Variants in HEATR3 observed in about 807,000 individuals in gnomAD.
The protein encoded by HEATR3 is HEAT repeat-containing protein 3.
HEATR3 carries 56 observed loss-of-function variants against 72.8 expected under a neutral mutation model. The ratio of observed to expected loss-of-function variants is 0.77; its 90% CI spans 0.62 to 0.96. HEATR3 has a LOEUF of 0.96. Among genes scored for constraint, HEATR3 ranks in the 40% least tolerant of loss-of-function variants. HEATR3 has a pLI of 0.00. For synonymous variants in HEATR3, 331 were observed against 318.1 expected (o/e 1.04, Z -0.43); for missense variants, 747 against 831.4 (o/e 0.90, Z 1.25).
chr16:50,107,270 G>A lies in HEATR3; in HGVS notation c.*2209G>A, dbSNP rs563695975. Among the ~76,000 whole-genome samples the A allele has an allele frequency of 3.3e-5, 5 of 152,078 alleles. No homozygotes were observed. The highest frequency in any genetic ancestry group is 9.7e-5 in the African/African-American group (4 of 41,416). Reference sequence around the variant, plus strand: ...GTAAATAAATGCTGGTGATTTTCTCGTTGTTTTGTGTGTGATTTTCTGTTT... The same window carrying A: ...GTAAATAAATGCTGGTGATTTTCTCATTGTTTTGTGTGTGATTTTCTGTTT... On this transcript the variant is annotated 3_prime_UTR_variant, in exon 15 of 15. Transcript: ENST00000299192.
At chr16:50,087,539 CAA>C (rs371252333) in intron 11 of HEATR3, among the ~76,000 whole-genome samples, 225 of 152,166 alleles carry the variant, frequency 1.5e-3, no homozygotes, top group African/African-American at 4.0e-3. Context: ...CAAACAAAAA[CAA>C]GAGAGACTGA....
At position 50,066,057 on chromosome 16, in the gene HEATR3, T is replaced by A; in HGVS notation, c.-75T>A. 2 of 1,491,142 alleles carry A rather than the reference T, an allele frequency of 1.3e-6. No homozygotes were observed. Among genetic ancestry groups the A allele is most frequent in the African/African-American group, 2.9e-5 (2 of 69,622 alleles). 92.4% of individuals were successfully genotyped at this position (1,491,142 alleles called of 1,614,324 possible). On this transcript the variant is annotated 5_prime_UTR_variant, in exon 1 of 15. Coordinates refer to ENST00000299192, the MANE Select transcript of HEATR3 (RefSeq NM_182922.4). ...AGCTGAGCAGCAGCAACGGACCTTGTTAACGGCGCGGCAGCCTCCACCGCC... is the reference window on the plus strand; with the variant it reads ...AGCTGAGCAGCAGCAACGGACCTTGATAACGGCGCGGCAGCCTCCACCGCC...
chr16:50,104,451 AACT>A (rs1225606568), intron 14 of HEATR3, among the ~76,000 whole-genome samples: 1 of 152,004 alleles, frequency 6.6e-6, no homozygotes, highest in Non-Finnish European at 1.5e-5. Context: ...GCTAGTCTTG[AACT>A]CCTGGACTCA....
chr16:50,104,754 G>T (rs758443097), intron 14 of HEATR3, among the ~76,000 whole-genome samples, 185 bp from the exon 15 acceptor site: 7 of 152,030 alleles, frequency 4.6e-5, no homozygotes, highest in Non-Finnish European at 1.0e-4. Flanking sequence ...TTTTAATAAT[G>T]CACATTCTCA....
intron 11 of HEATR3, among the ~76,000 whole-genome samples, chr16:50,087,481 A>G (rs2037013642): frequency 6.6e-6 from 1 of 152,260 alleles, no homozygotes; most frequent in Admixed American, 6.5e-5. Context: ...AGTTCCTCAT[A>G]GTAAAATCTT....
At chr16:50,092,436 C>CTTTTTTCTTTTTTTTTTTTTTTTT (rs55971965) in intron 11 of HEATR3, among the ~76,000 whole-genome samples, 1 of 106,030 alleles carries the variant, frequency 9.4e-6, no homozygotes. Context: ...TTTCTTTTTT[C>CTTTTTTCTTTTTTTTTTTTTTTTT]TTTTTTTTTT....
At chr16:50,072,348 C>A (rs182899963) in intron 4 of HEATR3, among the ~76,000 whole-genome samples, 29 of 151,386 alleles carry the variant, frequency 1.9e-4, no homozygotes, top group Admixed American at 1.6e-3. Flanking sequence ...CAGCTCTAAC[C>A]TTCTATAAGG....
chr16:50,089,392 G>C lies in HEATR3; in HGVS notation c.1510+3041G>C, dbSNP rs1285410203. On this transcript the variant is annotated intron_variant, in intron 11 of 14. Coordinates refer to ENST00000299192, the MANE Select transcript of HEATR3 (RefSeq NM_182922.4). ...ATGTGCTCAGTTACTTCCAGGGATTGGTAGTCTGAATTGGCCTTGCCTATG... is the reference window on the plus strand; with the variant it reads ...ATGTGCTCAGTTACTTCCAGGGATTCGTAGTCTGAATTGGCCTTGCCTATG... Among the ~76,000 whole-genome samples the C allele has an allele frequency of 6.3e-5, 5 of 79,378 alleles. No homozygotes were observed. In the Admixed American group the frequency reaches 7.0e-4, roughly 11 times the overall value. 52.1% of individuals were successfully genotyped at this position (79,378 alleles called of 152,430 possible). A position where few individuals can be genotyped will look rare whatever the true frequency, so the allele number is the denominator to read the frequency against.
At chr16:50,100,487 G>A (rs574845312) in intron 13 of HEATR3, 114 bp downstream of exon 13, 3 of 1,048,748 alleles carry the variant, frequency 2.9e-6, no homozygotes, top group Admixed American at 2.3e-5. Flanking sequence ...GTCATATCAA[G>A]TTGCTTTATT....
chr16:50,100,308 G>A lies in HEATR3; in HGVS notation c.1678G>A (p.Val560Ile), dbSNP rs1018279642. The A allele has an allele frequency of 1.2e-5, 20 of 1,613,854 alleles. No homozygotes were observed. The highest frequency in any genetic ancestry group is 5.5e-5 in the South Asian group (5 of 91,084). Residue 560 changes from valine to isoleucine, a missense_variant, in exon 13 of 15, where the codon GTT (valine) becomes ATT (isoleucine). This residue lies in a region of HEATR3 where 586 missense variants were observed against 708.8 expected (regional missense o/e 0.83). Transcript: ENST00000299192. ...SSNVGVRVNV[V>I]SILGITGSVL... ...TAATGTCGGGGTTAGAGTGAATGTCGTTAGCATTTTAGGAATCACTGGCAG... is the reference window on the plus strand; with the variant it reads ...TAATGTCGGGGTTAGAGTGAATGTCATTAGCATTTTAGGAATCACTGGCAG...
chr16:50,097,829 C>T (rs1401041575), intron 12 of HEATR3, among the ~76,000 whole-genome samples: 2 of 151,228 alleles, frequency 1.3e-5, no homozygotes, highest in Non-Finnish European at 2.9e-5. Flanking sequence ...GCAGGAGAAT[C>T]GCTTGAAGCC....
At position 50,084,247 on chromosome 16, in the gene HEATR3, C is replaced by T. The variant is rs143506345; in HGVS notation, c.1246C>T (p.His416Tyr). The change falls in exon 9 of 15, where the codon CAT (histidine) becomes TAT (tyrosine). Residue 416 changes from histidine to tyrosine, a missense_variant. This residue lies in a region of HEATR3 where 586 missense variants were observed against 708.8 expected (regional missense o/e 0.83). Coordinates refer to ENST00000299192, the MANE Select transcript of HEATR3 (RefSeq NM_182922.4). The stretch of plus-strand genomic sequence containing the variant: ...GCTGTTTTCTCCCCTCTGCCTCTCC[C>T]ATGAAGTTCACACGGCTCTCACCAA... ...GQLFSPLCLSHEVHTALTNYL... is the reference protein window; with the variant it reads ...GQLFSPLCLSYEVHTALTNYL... 4.6e-5 allele frequency: 75 copies of T among 1,614,126 alleles called. No individual in the cohort carries two copies. The highest frequency in any genetic ancestry group is 5.8e-5 in the Non-Finnish European group (69 of 1,180,022).
intron 6 of HEATR3, among the ~76,000 whole-genome samples, chr16:50,077,943 C>G (rs890066783): frequency 7.9e-6 from 1 of 127,318 alleles, no homozygotes; most frequent in African/African-American, 3.0e-5. Context: ...GTGGCAAGAT[C>G]TCGGCTCACT....
chr16:50,100,107 G>T, intron 12 of HEATR3, 123 bp from the exon 13 acceptor site: 2 of 852,664 alleles, frequency 2.3e-6, no homozygotes, highest in South Asian at 4.0e-5. Context: ...TACCTGCCAG[G>T]AGTTTATGTC....
intron 14 of HEATR3, among the ~76,000 whole-genome samples, chr16:50,102,694 A>G (rs369442673): frequency 2.6e-5 from 4 of 152,210 alleles, no homozygotes; most frequent in East Asian, 3.8e-4. Flanking sequence ...ACAATGCTTC[A>G]TATATGTCAG....
At chr16:50,070,377 C>A in intron 4 of HEATR3, 87 bp downstream of exon 4, 1 of 542,758 alleles carries the variant, frequency 1.8e-6, no homozygotes, top group African/African-American at 2.0e-5. Flanking sequence ...CTCTGTTCCC[C>A]TTGGTAGGCC....
At chr16:50,072,792 A>C in intron 5 of HEATR3, 78 bp downstream of exon 5, 4 of 853,612 alleles carry the variant, frequency 4.7e-6, no homozygotes, top group Non-Finnish European at 8.0e-6. Flanking sequence ...TGGCGTGTTT[A>C]TTCCACTGGA....
At chr16:50,072,517 C>A in intron 4 of HEATR3, 88 bp from the exon 5 acceptor site, 1 of 810,764 alleles carries the variant, frequency 1.2e-6, no homozygotes, top group Non-Finnish European at 2.0e-6. Context: ...GTTTATAAAG[C>A]CTCGTTTGTT....
chr16:50,083,707 G>T (rs1044446253), intron 7 of HEATR3, among the ~76,000 whole-genome samples: 9 of 152,178 alleles, frequency 5.9e-5, no homozygotes, highest in African/African-American at 2.2e-4. Flanking sequence ...GAATAGCCAT[G>T]CAGATAGATG....
Sources: allele counts gnomAD v4.1 joint callset (sites outside exome capture counted in the v4.1 genomes callset), GRCh38; gene constraint gnomAD v4.1.1; regional missense constraint gnomAD v4.1.1; transcripts MANE v1.5; gene names NCBI Gene and HGNC (gene_info 2026-07-23, HGNC 2026-07-21).